Variants in IKZF1 observed in about 807,000 individuals in gnomAD.
IKZF1 encodes IKAROS family zinc finger 1, also known as DNA-binding protein Ikaros.
IKZF1 carries 10 observed loss-of-function variants against 51.7 expected under a neutral mutation model. The observed-to-expected ratio is 0.19, with a 90% confidence interval of 0.12 to 0.33. IKZF1 has a LOEUF of 0.33. Among genes scored for constraint, IKZF1 ranks in the 10% least tolerant of loss-of-function variants. The pLI, the probability that IKZF1 is intolerant of heterozygous loss-of-function variation, is 1.00. For synonymous variants in IKZF1, 280 were observed against 282.3 expected, an observed-to-expected ratio of 0.99 and a Z score of 0.08; for missense variants, 484 against 707.5, an observed-to-expected ratio of 0.68 and a Z score of 3.58.
At chr7:50,334,374 G>A (rs2153400870) in intron 3 of IKZF1, among the ~76,000 whole-genome samples, 1 of 152,064 alleles carries the variant, frequency 6.6e-6, no homozygotes, top group South Asian at 2.1e-4. Context: ...GTATATATGT[G>A]GGGGGTATAT....
chr7:50,321,517 C>T lies in IKZF1; in HGVS notation c.40+2416C>T, dbSNP rs142382532. Among the ~76,000 whole-genome samples, 40 of 152,264 alleles carry T rather than the reference C, an allele frequency of 2.6e-4. No individual in the cohort carries two copies. The East Asian group carries it at 6.9e-3, about 26-fold the overall frequency. On this transcript the variant is annotated intron_variant, in intron 2 of 7. Coordinates refer to ENST00000331340, the MANE Select transcript of IKZF1 (RefSeq NM_006060.6). The stretch of plus-strand genomic sequence containing the variant: ...CAAGCATGTTAAAAATTTCCAGAGG[C>T]CAAAAAGATGCTTTCATTGTTCTGC...
At chr7:50,315,922 C>T (rs953035820) in intron 1 of IKZF1, among the ~76,000 whole-genome samples, 6 of 152,322 alleles carry the variant, frequency 3.9e-5, no homozygotes, top group South Asian at 2.1e-4. Context: ...AAGTGATGCA[C>T]GTGCTAACAA....
chr7:50,368,389 A>G (rs1196849929), intron 3 of IKZF1: 1 of 658,852 alleles, frequency 1.5e-6, no homozygotes, highest in South Asian at 1.6e-5. Flanking sequence ...ATTGAGTGTG[A>G]GGATAAAATG....
chr7:50,396,227 A>G (rs1330941325), intron 7 of IKZF1, among the ~76,000 whole-genome samples: 1 of 152,036 alleles, frequency 6.6e-6, no homozygotes, highest in Admixed American at 6.5e-5. Flanking sequence ...ATCTGTTAAC[A>G]GTTCTTAAAG....
intron 3 of IKZF1, chr7:50,329,061 A>G (rs1795802798): frequency 6.9e-6 from 1 of 145,136 alleles, no homozygotes; most frequent in African/African-American, 2.5e-5. Flanking sequence ...TGACAGAGCC[A>G]GACTCCATCT....
chr7:50,392,804 G>C (rs1490279716), intron 7 of IKZF1, among the ~76,000 whole-genome samples: 1 of 152,206 alleles, frequency 6.6e-6, no homozygotes, highest in Non-Finnish European at 1.5e-5. Context: ...TTGGAGGAAT[G>C]GGGGAATCTA....
chr7:50,351,792 A>G (rs1801911542), intron 3 of IKZF1, among the ~76,000 whole-genome samples: 1 of 152,152 alleles, frequency 6.6e-6, no homozygotes, highest in Admixed American at 6.5e-5. Flanking sequence ...GCTCAAGCCT[A>G]CCTCATTTTA....
Position 50,403,910 on chromosome 7 carries a change from A to G in IKZF1, c.*3283A>G. On this transcript the variant is annotated 3_prime_UTR_variant, in exon 8 of 8. Transcript: ENST00000331340. ...CGAGATGAACTGGACTTATGTAGACAAATCGTGATGCCAGTGTATCCTTCC... is the reference window on the plus strand; with the variant it reads ...CGAGATGAACTGGACTTATGTAGACGAATCGTGATGCCAGTGTATCCTTCC... 1 of 218,340 alleles carries G rather than the reference A, an allele frequency of 4.6e-6. No homozygotes were observed. The highest frequency in any genetic ancestry group is 9.2e-6 in the Non-Finnish European group (1 of 108,400). 13.5% of individuals were successfully genotyped at this position (218,340 alleles called of 1,614,324 possible). A position where few individuals can be genotyped will look rare whatever the true frequency, so the allele number is the denominator to read the frequency against.
In IKZF1 at chr7:50,400,771, T is replaced by C; in HGVS notation, c.*144T>C. 1 of 1,081,556 alleles carries C rather than the reference T, an allele frequency of 9.2e-7. No individual in the cohort carries two copies. The highest frequency in any genetic ancestry group is 2.6e-5 in the East Asian group (1 of 38,502). 67.0% of individuals were successfully genotyped at this position (1,081,556 alleles called of 1,614,324 possible). On this transcript the variant is annotated 3_prime_UTR_variant, in exon 8 of 8. Coordinates refer to ENST00000331340, the MANE Select transcript of IKZF1 (RefSeq NM_006060.6). The surrounding 1 kb of genome is among the most constrained non-coding windows in gnomAD (Gnocchi z 5.4). ...ATTTGTAACTGTTTTTTGTTTTTTG[T>C]TTGAGTTGGTTGATTGGGGTTTGAT...
At chr7:50,352,040 A>G (rs1801988953) in intron 3 of IKZF1, among the ~76,000 whole-genome samples, 1 of 152,216 alleles carries the variant, frequency 6.6e-6, no homozygotes, top group Non-Finnish European at 1.5e-5. Context: ...TCAGTTTATT[A>G]GTTTTCTTAT....
chr7:50,345,200 A>G (rs1346143337), intron 3 of IKZF1, among the ~76,000 whole-genome samples: 1 of 152,144 alleles, frequency 6.6e-6, no homozygotes, highest in Non-Finnish European at 1.5e-5. Flanking sequence ...TACATCCCAC[A>G]GTGAATTACC....
intron 3 of IKZF1, chr7:50,368,537 C>A: frequency 1.7e-6 from 1 of 571,980 alleles, no homozygotes; most frequent in Non-Finnish European, 3.1e-6. Context: ...GAGAAAATTG[C>A]AGGCCTCCAG....
intron 3 of IKZF1, among the ~76,000 whole-genome samples, chr7:50,366,311 A>G (rs751065575): frequency 6.6e-5 from 10 of 152,354 alleles, no homozygotes; most frequent in East Asian, 3.9e-4. Context: ...TTCATATTCA[A>G]TGGCAATGTG....
chr7:50,310,080 A>G (rs932688836), intron 1 of IKZF1, among the ~76,000 whole-genome samples: 6 of 152,222 alleles, frequency 3.9e-5, no homozygotes, highest in African/African-American at 1.4e-4. Context: ...CGTATATTCT[A>G]TTTCATTAAA....
At chr7:50,321,220 A>G (rs1282979564) in intron 2 of IKZF1, among the ~76,000 whole-genome samples, 1 of 152,226 alleles carries the variant, frequency 6.6e-6, no homozygotes, top group Non-Finnish European at 1.5e-5. Flanking sequence ...TTCATCTTCT[A>G]CCTTTTAGCA....
intron 1 of IKZF1, among the ~76,000 whole-genome samples, chr7:50,313,220 C>G (rs1481069285): frequency 6.6e-6 from 1 of 152,162 alleles, no homozygotes; most frequent in African/African-American, 2.4e-5. Context: ...TGTCTCTTAG[C>G]AGGAATAATG....
intron 3 of IKZF1, among the ~76,000 whole-genome samples, chr7:50,372,028 C>G (rs999590673): frequency 6.6e-6 from 1 of 152,214 alleles, no homozygotes; most frequent in East Asian, 1.9e-4. Context: ...CAGGTCCTTA[C>G]ATTTATGACT....
intron 3 of IKZF1, among the ~76,000 whole-genome samples, chr7:50,345,602 G>A (rs1443799908): frequency 1.3e-5 from 2 of 152,234 alleles, no homozygotes; most frequent in Non-Finnish European, 2.9e-5. Flanking sequence ...CACTCTGCTA[G>A]GCAGAGGGGT....
intron 3 of IKZF1, among the ~76,000 whole-genome samples, chr7:50,358,647 T>G (rs914362748): frequency 6.6e-6 from 1 of 152,224 alleles, no homozygotes; most frequent in Non-Finnish European, 1.5e-5. Flanking sequence ...GGCAGGGTGC[T>G]GCAGCCAATG....
Sources: gnomAD v4.1 joint callset for allele counts (sites outside exome capture counted in the v4.1 genomes callset) on GRCh38, gnomAD v4.1.1 for gene constraint, Gnocchi (gnomAD v3.1) non-coding constraint, MANE v1.5 for transcripts, NCBI Gene and HGNC (gene_info 2026-07-23, HGNC 2026-07-21) for gene names.